The following DACH1 variants were observed in gnomAD, a reference collection of about 807,000 sequenced individuals.
DACH1 encodes dachshund family transcription factor 1, also known as dachshund homolog 1.
DACH1 carries 12 observed loss-of-function variants against 54.2 expected under a neutral mutation model. The observed-to-expected ratio is 0.22, with a 90% CI of 0.14 to 0.36. DACH1 has a LOEUF of 0.36. DACH1 is among the 10% of genes least tolerant of loss of function. The pLI is 1.00. For missense variants in DACH1, 805 were observed against 929.8 expected (o/e 0.87, Z 1.75); for synonymous variants, 386 against 366.2 (o/e 1.05, Z -0.62).
Position 71,805,932 on chromosome 13 carries a change from C to T in DACH1, c.848+59990G>A, listed in dbSNP as rs553905012. Among the ~76,000 whole-genome samples the T allele has an allele frequency of 1.7e-3, 260 of 152,124 alleles. 1 individual carries two copies. Among genetic ancestry groups the T allele is most frequent in the Middle Eastern group, 0.014 (4 of 294 alleles). On this transcript the variant is annotated intron_variant, in intron 1 of 10. Coordinates refer to ENST00000613252, the MANE Select transcript of DACH1 (RefSeq NM_080759.6). ...AAACGATTCTCCTGCCTCAGCCTCC[C>T]GAGTAGCTGGGATTACAGGCTTGTG...
At chr13:71,734,864 G>C (rs1283049905) in intron 1 of DACH1, among the ~76,000 whole-genome samples, 4 of 142,962 alleles carry the variant, frequency 2.8e-5, no homozygotes, top group African/African-American at 7.8e-5. Context: ...TCCCATATAC[G>C]TATACCCCAT....
intron 1 of DACH1, among the ~76,000 whole-genome samples, chr13:71,822,141 C>T (rs183676070): frequency 1.3e-5 from 2 of 152,176 alleles, no homozygotes; most frequent in East Asian, 3.9e-4. Flanking sequence ...CACACACATA[C>T]AATTTCAATG....
In DACH1 at chr13:71,505,243, C is replaced by G. The variant is rs192791773; in HGVS notation, c.1571-16095G>C. ...AATTACAGGTGTGTGCCACCACGCC[C>G]GGCTACTTTTTTGTATTTTAGTAGA... On this transcript the variant is annotated intron_variant, in intron 6 of 10. Transcript: ENST00000613252. Among the ~76,000 whole-genome samples the G allele has an allele frequency of 4.6e-5, 7 of 152,090 alleles. No homozygotes were observed. In the East Asian group the frequency reaches 1.4e-3, roughly 30 times the overall value.
chr13:71,631,815 T>C (rs911784718), intron 2 of DACH1, among the ~76,000 whole-genome samples: 1 of 151,992 alleles, frequency 6.6e-6, no homozygotes, highest in African/African-American at 2.4e-5. Context: ...AAATAGAGTT[T>C]GAGCCGGGTG....
intron 2 of DACH1, among the ~76,000 whole-genome samples, chr13:71,657,452 G>C (rs1401668233): frequency 6.6e-6 from 1 of 151,648 alleles, no homozygotes; most frequent in African/African-American, 2.4e-5. Flanking sequence ...CTGAGCCAGT[G>C]ATCACACCAC....
rs1023593885 is a variant in DACH1 at position 71,695,987 on chromosome 13, A to T, written c.849-14077T>A. Among the ~76,000 whole-genome samples the T allele has an allele frequency of 4.6e-5, 7 of 152,192 alleles. No individual in the cohort carries two copies. The South Asian group carries it at 6.2e-4, about 14-fold the overall frequency. On this transcript the variant is annotated intron_variant, in intron 1 of 10. Coordinates refer to ENST00000613252, the MANE Select transcript of DACH1 (RefSeq NM_080759.6). Reference sequence around the variant, plus strand: ...ATAGTATGTGAAGTACAGTGCTCATAATTTAATAGGTTTTTATGAGGTTAG... The same window carrying T: ...ATAGTATGTGAAGTACAGTGCTCATTATTTAATAGGTTTTTATGAGGTTAG...
intron 1 of DACH1, among the ~76,000 whole-genome samples, chr13:71,689,685 G>A (rs1881375383): frequency 6.6e-6 from 1 of 152,082 alleles, no homozygotes; most frequent in Non-Finnish European, 1.5e-5. Flanking sequence ...CTCAGTTGGA[G>A]CTACTACATA....
At chr13:71,771,316 G>GATAAATAA (rs35368673) in intron 1 of DACH1, among the ~76,000 whole-genome samples, 828 of 78,930 alleles carry the variant, frequency 0.01, 7 homozygotes, top group South Asian at 0.024. Context: ...GAAGCAAAAG[G>GATAAATAA]ATAAATAAAT....
At chr13:71,473,661 TTTATA>T (rs1877275518) in intron 10 of DACH1, among the ~76,000 whole-genome samples, 1 of 152,164 alleles carries the variant, frequency 6.6e-6, no homozygotes, top group African/African-American at 2.4e-5. Flanking sequence ...GAATCTCTCA[TTTATA>T]TGCAGGACGA....
intron 3 of DACH1, among the ~76,000 whole-genome samples, chr13:71,602,106 G>T (rs1874537500): frequency 6.6e-6 from 1 of 151,912 alleles, no homozygotes; most frequent in Admixed American, 6.6e-5. Flanking sequence ...TGGCTACATT[G>T]AGCTAATTTG....
At chr13:71,683,380 T>G (rs924720860) in intron 1 of DACH1, among the ~76,000 whole-genome samples, 1 of 152,030 alleles carries the variant, frequency 6.6e-6, no homozygotes, top group South Asian at 2.1e-4. Context: ...GAAGAAGAAT[T>G]AACCATGGAG....
In DACH1 at chr13:71,650,364, G is replaced by A. The variant is rs74424024; in HGVS notation, c.965-19647C>T. Among the ~76,000 whole-genome samples, 16 of 152,256 alleles carry A rather than the reference G, an allele frequency of 1.1e-4. No individual in the cohort carries two copies. The East Asian group carries it at 3.1e-3, about 29-fold the overall frequency. On this transcript the variant is annotated intron_variant, in intron 2 of 10. Transcript: ENST00000613252. Reference sequence around the variant, plus strand: ...ACTTGGTATATTACAGCAGCAAGAAGTATTTCTATTCTCAGAAAAATATAA... The same window carrying A: ...ACTTGGTATATTACAGCAGCAAGAAATATTTCTATTCTCAGAAAAATATAA...
intron 2 of DACH1, among the ~76,000 whole-genome samples, chr13:71,654,107 T>C (rs1201039035): frequency 6.6e-6 from 1 of 152,044 alleles, no homozygotes; most frequent in East Asian, 1.9e-4. Context: ...AGATGACTAA[T>C]AGGCCGGGCA....
intron 7 of DACH1, among the ~76,000 whole-genome samples, chr13:71,481,437 G>T (rs9542709): frequency 6.6e-6 from 1 of 152,000 alleles, no homozygotes; most frequent in East Asian, 1.9e-4. Flanking sequence ...ATTAATATTC[G>T]TTGTAAAGAA....
intron 10 of DACH1, among the ~76,000 whole-genome samples, chr13:71,443,786 T>C (rs948382197): frequency 6.6e-6 from 1 of 152,164 alleles, no homozygotes; most frequent in African/African-American, 2.4e-5. Flanking sequence ...AGTTCAGCTG[T>C]AGACATTTTG....
chr13:71,595,308 G>C (rs531118410), intron 3 of DACH1, among the ~76,000 whole-genome samples: 2 of 152,070 alleles, frequency 1.3e-5, no homozygotes, highest in Non-Finnish European at 2.9e-5. Flanking sequence ...AGGGATTGTA[G>C]GTTATTGGAA....
chr13:71,782,967 C>T (rs1886447433), intron 1 of DACH1, among the ~76,000 whole-genome samples: 1 of 151,952 alleles, frequency 6.6e-6, no homozygotes, highest in African/African-American at 2.4e-5. Flanking sequence ...GCCATTATCA[C>T]AGGAAGGATC....
chr13:71,693,816 G>A (rs1881662314), intron 1 of DACH1, among the ~76,000 whole-genome samples: 2 of 151,952 alleles, frequency 1.3e-5, no homozygotes, highest in Admixed American at 6.6e-5. Context: ...CTTTATCCTA[G>A]GTAGGCATGG....
chr13:71,585,428 T>C (rs1280544365), intron 3 of DACH1, among the ~76,000 whole-genome samples: 2 of 152,186 alleles, frequency 1.3e-5, no homozygotes, highest in Non-Finnish European at 2.9e-5. Flanking sequence ...AGTGATTAAA[T>C]TAAGTGCTTA....
Sources: gnomAD v4.1 joint callset for allele counts (sites outside exome capture counted in the v4.1 genomes callset) on GRCh38, gnomAD v4.1.1 for gene constraint, MANE v1.5 for transcripts, NCBI Gene and HGNC (gene_info 2026-07-23, HGNC 2026-07-21) for gene names.